The following HDAC9 variants were observed in gnomAD, a reference collection of about 807,000 sequenced individuals.
HDAC9 encodes histone deacetylase 9.
Under a neutral mutation model 139.4 loss-of-function variants are expected in HDAC9, and 41 were observed. The ratio of observed to expected loss-of-function variants is 0.29; its 90% CI spans 0.23 to 0.38. HDAC9 has a LOEUF of 0.38. HDAC9 is among the 10% of genes least tolerant of loss of function. The pLI is 1.00. For missense variants in HDAC9, 1,147 were observed against 1,297.0 expected (o/e 0.88, Z 1.78); for synonymous variants, 517 against 476.2 (o/e 1.09, Z -1.12).
chr7:18,780,495 G>A (rs1181916266), intron 16 of HDAC9, among the ~76,000 whole-genome samples: 4 of 151,990 alleles, frequency 2.6e-5, no homozygotes, highest in African/African-American at 7.2e-5. Flanking sequence ...GGACATCACA[G>A]TTGTTGTTGG....
chr7:18,770,439 C>G (rs73069082), intron 16 of HDAC9, among the ~76,000 whole-genome samples: 1 of 152,110 alleles, frequency 6.6e-6, no homozygotes, highest in African/African-American at 2.4e-5. Context: ...GGGTATATCA[C>G]TAAAAATAGT....
At chr7:18,442,193 A>G (rs571240708) in intron 1 of HDAC9, among the ~76,000 whole-genome samples, 2 of 152,256 alleles carry the variant, frequency 1.3e-5, no homozygotes, top group African/African-American at 4.8e-5. Flanking sequence ...ATGACTACCA[A>G]TGACAATGTT....
At chr7:18,752,076 C>G (rs1338564718) in intron 14 of HDAC9, among the ~76,000 whole-genome samples, 1 of 152,060 alleles carries the variant, frequency 6.6e-6, no homozygotes, top group African/African-American at 2.4e-5. Flanking sequence ...AGCCATCTTA[C>G]AAAGATGCTA....
At chr7:18,103,129 C>A (rs1257313119) in intron 1 of HDAC9, among the ~76,000 whole-genome samples, 1 of 152,106 alleles carries the variant, frequency 6.6e-6, no homozygotes, top group African/African-American at 2.4e-5. Context: ...AGAGCTTGTG[C>A]AGGGGAACTC....
chr7:18,956,611 C>G (rs998461304), intron 24 of HDAC9, among the ~76,000 whole-genome samples: 2 of 152,108 alleles, frequency 1.3e-5, no homozygotes, highest in Non-Finnish European at 2.9e-5. Flanking sequence ...GTAGTGGACA[C>G]TGATTTTGGT....
chr7:18,946,041 A>T (rs540711057), intron 23 of HDAC9, among the ~76,000 whole-genome samples: 419 of 32,204 alleles, frequency 0.013, no homozygotes, highest in South Asian at 0.031. Flanking sequence ...CGTCTCAAAA[A>T]AAAAAAAAAA....
chr7:18,649,055 A>G (rs1387269046), intron 11 of HDAC9, among the ~76,000 whole-genome samples: 1 of 152,188 alleles, frequency 6.6e-6, no homozygotes, highest in Non-Finnish European at 1.5e-5. Flanking sequence ...TGTACAGGTG[A>G]TGACAGATAG....
intron 1 of HDAC9, among the ~76,000 whole-genome samples, chr7:18,312,754 T>G (rs2128626776): frequency 6.6e-6 from 1 of 152,250 alleles, no homozygotes; most frequent in South Asian, 2.1e-4. Context: ...TAGATGGCTA[T>G]TTTTAGCTTG....
intron 1 of HDAC9, among the ~76,000 whole-genome samples, chr7:18,465,000 TG>T (rs1475186829): frequency 6.4e-4 from 98 of 152,194 alleles, no homozygotes; most frequent in African/African-American, 2.2e-3. Flanking sequence ...CTTTCTTGTA[TG>T]TTTGGGATAT....
chr7:18,926,749 G>A (rs1365403329), intron 22 of HDAC9, among the ~76,000 whole-genome samples: 1 of 152,052 alleles, frequency 6.6e-6, no homozygotes, highest in Non-Finnish European at 1.5e-5. Flanking sequence ...AAAAAATAAT[G>A]GCATTGAAGT....
intron 2 of HDAC9, among the ~76,000 whole-genome samples, chr7:18,555,134 A>G (rs1043478265): frequency 6.6e-6 from 1 of 152,330 alleles, no homozygotes; most frequent in Non-Finnish European, 1.5e-5. Flanking sequence ...AACTTTGCTC[A>G]TTTAAAAAAG....
intron 19 of HDAC9, among the ~76,000 whole-genome samples, chr7:18,833,914 T>C (rs1054250494): frequency 7.9e-5 from 12 of 152,174 alleles, no homozygotes; most frequent in Non-Finnish European, 1.5e-4. Context: ...GTCATATAAG[T>C]CTCCTATGGA....
chr7:18,218,808 A>T (rs565537461), intron 2 of HDAC9, among the ~76,000 whole-genome samples: 1 of 152,262 alleles, frequency 6.6e-6, no homozygotes, highest in Admixed American at 6.5e-5. Context: ...CAGTTTCTTA[A>T]CATTATTTTA....
chr7:18,650,260 G>T (rs2239927), intron 11 of HDAC9, among the ~76,000 whole-genome samples: 50,652 of 151,906 alleles, frequency 0.33, 12,371 homozygotes, highest in African/African-American at 0.67. Context: ...ATTAGGGATC[G>T]TATTTTTTTG....
At chr7:18,200,755 G>A (rs1286244354) in intron 2 of HDAC9, among the ~76,000 whole-genome samples, 1 of 152,074 alleles carries the variant, frequency 6.6e-6, no homozygotes, top group African/African-American at 2.4e-5. Flanking sequence ...TTTCTCAGAG[G>A]TCTCTTTCAC....
At chr7:18,103,271 G>T (rs192670759) in intron 1 of HDAC9, among the ~76,000 whole-genome samples, 97 of 152,214 alleles carry the variant, frequency 6.4e-4, no homozygotes, top group Non-Finnish European at 1.1e-3. Flanking sequence ...TACAATTCAG[G>T]GTGAGATTTG....
rs532112519 is a variant in HDAC9, at chr7:18,656,234, A to G, written c.1467+7551A>G. 2.0e-4 allele frequency among the ~76,000 whole-genome samples: 30 copies of G among 152,132 alleles called. No homozygotes were observed. The South Asian group carries it at 2.3e-3, about 12-fold the overall frequency. On this transcript the variant is annotated intron_variant, in intron 11 of 25. Transcript: ENST00000686413. The stretch of plus-strand genomic sequence containing the variant: ...ATTGCATCCAGAGCTATTCTCTCAT[A>G]TCTTAAATGTACTGCTGCTCTCTTG...
chr7:18,336,195 G>A lies in HDAC9; in HGVS notation c.-42+45680G>A, dbSNP rs112147533. Reference sequence around the variant, plus strand: ...ACAAGATAGAAATTAATAGCACATAGCATATCTTGTATCAGGTCAAACAGA... The same window carrying A: ...ACAAGATAGAAATTAATAGCACATAACATATCTTGTATCAGGTCAAACAGA... On this transcript the variant is annotated intron_variant, in intron 1 of 3. Transcript: ENST00000413509. Among the ~76,000 whole-genome samples, 983 of 151,646 alleles carry A rather than the reference G, an allele frequency of 6.5e-3. 10 individuals are homozygous for A. Among genetic ancestry groups the A allele is most frequent in the African/African-American group, 0.022 (917 of 41,440 alleles).
At chr7:18,124,278 TC>T (rs1490035489) in intron 1 of HDAC9, among the ~76,000 whole-genome samples, 8 of 152,180 alleles carry the variant, frequency 5.3e-5, no homozygotes, top group Non-Finnish European at 1.0e-4. Flanking sequence ...ACGGTCTGCT[TC>T]CATACAGCAA....
Sources: allele counts gnomAD v4.1 joint callset (sites outside exome capture counted in the v4.1 genomes callset), GRCh38; gene constraint gnomAD v4.1.1; transcripts MANE v1.5; gene names NCBI Gene and HGNC (gene_info 2026-07-23, HGNC 2026-07-21).